Variants in KANK1 observed in about 807,000 individuals in gnomAD.
KANK1 encodes the protein KN motif and ankyrin repeat domains 1, also known as KN motif and ankyrin repeat domain-containing protein 1.
Under a neutral mutation model 106.2 loss-of-function variants are expected in KANK1, and 109 were observed. The observed-to-expected ratio is 1.03, with a 90% CI of 0.88 to 1.20. The LOEUF is 1.20. Ranked by LOEUF, KANK1 falls within the 50% of genes most tolerant of loss-of-function variation. The pLI, the probability that KANK1 is intolerant of heterozygous loss-of-function variation, is 0.00. For missense variants in KANK1, 2,399 were observed against 1,710.7 expected, an observed-to-expected ratio of 1.40 and a Z score of -7.10; for synonymous variants, 873 against 652.2, an observed-to-expected ratio of 1.34 and a Z score of -5.16.
At chr9:634,182 A>G (rs1030337089) in intron 1 of KANK1, among the ~76,000 whole-genome samples, 4 of 152,202 alleles carry the variant, frequency 2.6e-5, no homozygotes, top group South Asian at 2.1e-4. Flanking sequence ...ATTCAAATCA[A>G]TCTCCCCAAA....
At chr9:695,750 C>G (rs1472118043) in intron 2 of KANK1, among the ~76,000 whole-genome samples, 1 of 152,158 alleles carries the variant, frequency 6.6e-6, no homozygotes, top group African/African-American at 2.4e-5. Context: ...TAAGTGACAA[C>G]ACACTGATGC....
intron 5 of KANK1, 139 bp from the exon 6 acceptor site, chr9:732,235 CCTTA>C: frequency 1.1e-6 from 1 of 941,384 alleles, no homozygotes; most frequent in South Asian, 1.7e-5. Context: ...TTTAAATAGA[CCTTA>C]CTTTGAACTT....
intron 9 of KANK1, among the ~76,000 whole-genome samples, chr9:741,728 C>A (rs1835610962): frequency 6.6e-6 from 1 of 152,026 alleles, no homozygotes; most frequent in South Asian, 2.1e-4. Flanking sequence ...ACCTCATGAT[C>A]CACCTGACTC....
chr9:505,069 G>A (rs1211874496), intron 1 of KANK1, among the ~76,000 whole-genome samples: 1 of 151,950 alleles, frequency 6.6e-6, no homozygotes, highest in Admixed American at 6.5e-5. Context: ...GCCGGGCACG[G>A]AGCAGCGAGA....
Position 695,052 on chromosome 9 carries a change from C to G in KANK1, c.38-15752C>G, listed in dbSNP as rs149687702. Among the ~76,000 whole-genome samples, 337 of 152,308 alleles carry G rather than the reference C, an allele frequency of 2.2e-3. 6 individuals carry two copies. The highest frequency in any genetic ancestry group is 0.019 in the Admixed American group (288 of 15,304). ...CATTTTAAGGGTATGAATCACATCA[C>G]TGCATTGTATGATTCCAGGGCTCTC... On this transcript the variant is annotated intron_variant, in intron 2 of 11. Coordinates refer to ENST00000382297, the MANE Select transcript of KANK1 (RefSeq NM_015158.5).
upstream of KANK1, among the ~76,000 whole-genome samples, chr9:501,605 C>A: frequency 7.7e-6 from 1 of 130,598 alleles, no homozygotes; most frequent in East Asian, 2.4e-4. Context: ...TTCGCCCACG[C>A]ACAGACATAC....
At chr9:529,220 A>AATATATAT (rs57171198) in intron 1 of KANK1, among the ~76,000 whole-genome samples, 1 of 144,192 alleles carries the variant, frequency 6.9e-6, no homozygotes, top group African/African-American at 2.6e-5. Context: ...TAACTCTGTT[A>AATATATAT]ATATATATAT....
At chr9:644,592 C>T (rs982992639) in intron 1 of KANK1, among the ~76,000 whole-genome samples, 2 of 150,470 alleles carry the variant, frequency 1.3e-5, no homozygotes, top group Admixed American at 1.3e-4. Flanking sequence ...CCAGATCTCA[C>T]AGTAATTCAC....
In KANK1 at chr9:746,003, C is replaced by A. The variant is rs1345381073; in HGVS notation, c.*768C>A. ...GTGTTCTCTTTGTATTTATGGATTC[C>A]TTTTTACCGTGTCACATTTACTTTG... On this transcript the variant is annotated 3_prime_UTR_variant, in exon 12 of 12. Coordinates refer to ENST00000382297, the MANE Select transcript of KANK1 (RefSeq NM_015158.5). The A allele has an allele frequency of 6.6e-6, 1 of 152,604 alleles. No homozygotes were observed. The highest frequency in any genetic ancestry group is 2.4e-5 in the African/African-American group (1 of 41,442). The allele number at this position is 152,604 out of a possible 1,614,324, so 9.5% of individuals were successfully genotyped here. A position where few individuals can be genotyped will look rare whatever the true frequency, so the allele number is the denominator to read the frequency against.
chr9:533,645 T>G (rs139979904), intron 1 of KANK1, among the ~76,000 whole-genome samples: 1 of 152,324 alleles, frequency 6.6e-6, no homozygotes, highest in African/African-American at 2.4e-5. Context: ...GTGGTGCTGC[T>G]GGGTGAGAAG....
chr9:498,180 A>G (rs971498889), intron 3 of KANK1, among the ~76,000 whole-genome samples: 2 of 152,200 alleles, frequency 1.3e-5, no homozygotes, highest in Non-Finnish European at 2.9e-5. Flanking sequence ...AAGAAACTTG[A>G]GGCTTGGGGA....
At chr9:718,038 A>G (rs1274131207) in intron 3 of KANK1, among the ~76,000 whole-genome samples, 14 of 152,236 alleles carry the variant, frequency 9.2e-5, no homozygotes, top group Admixed American at 9.2e-4. Flanking sequence ...AGTTGTAGAC[A>G]AGAGATCTGA....
At chr9:491,693 C>CTTT (rs2058379813) in intron 3 of KANK1, among the ~76,000 whole-genome samples, 1 of 152,144 alleles carries the variant, frequency 6.6e-6, no homozygotes. Context: ...CACAAATCAC[C>CTTT]TAAAGCAGGA....
At chr9:614,462 A>G (rs1272220010) in intron 1 of KANK1, among the ~76,000 whole-genome samples, 2 of 152,172 alleles carry the variant, frequency 1.3e-5, no homozygotes, top group African/African-American at 4.8e-5. Context: ...GTTAAATTTT[A>G]GGATTTTTAC....
intron 1 of KANK1, among the ~76,000 whole-genome samples, chr9:630,251 A>C (rs1216146709): frequency 6.7e-6 from 1 of 150,080 alleles, no homozygotes; most frequent in Non-Finnish European, 1.5e-5. Flanking sequence ...CTGTCTTAAA[A>C]AAAAGAAAAA....
intron 1 of KANK1, among the ~76,000 whole-genome samples, chr9:650,536 A>G (rs988937968): frequency 2.6e-5 from 4 of 152,156 alleles, no homozygotes; most frequent in African/African-American, 9.7e-5. Context: ...CTGCTGGACC[A>G]CAGGCCATGA....
chr9:745,136 T>C (rs1836854139), intron 11 of KANK1, 37 bp from the exon 12 acceptor site: 25 of 1,610,758 alleles, frequency 1.6e-5, no homozygotes, highest in Non-Finnish European at 2.0e-5. Flanking sequence ...TGAGGTCACT[T>C]ATTAACCCCC....
intron 3 of KANK1, among the ~76,000 whole-genome samples, chr9:481,222 A>G (rs892689407): frequency 3.3e-5 from 5 of 152,232 alleles, no homozygotes; most frequent in African/African-American, 9.6e-5. Flanking sequence ...CTTTCACGCT[A>G]TCATAAAGTT....
intron 1 of KANK1, among the ~76,000 whole-genome samples, chr9:649,755 C>T (rs1303613087): frequency 1.3e-5 from 2 of 152,108 alleles, no homozygotes; most frequent in African/African-American, 4.8e-5. Context: ...TGGTACTGAT[C>T]TCGTTTTTGA....
Sources: allele counts gnomAD v4.1 joint callset (sites outside exome capture counted in the v4.1 genomes callset), GRCh38; gene constraint gnomAD v4.1.1; transcripts MANE v1.5; gene names NCBI Gene and HGNC (gene_info 2026-07-23, HGNC 2026-07-21).